Variants in RBFOX1 observed in about 807,000 individuals in gnomAD.
RBFOX1 encodes the protein RNA binding fox-1 homolog 1.
Under a neutral mutation model 57.7 loss-of-function variants are expected in RBFOX1, and 8 were observed. The ratio of observed to expected loss-of-function variants is 0.14; its 90% CI spans 0.08 to 0.25. RBFOX1 has a LOEUF of 0.25. Ranked by LOEUF, RBFOX1 falls within the 10% of genes least tolerant of loss-of-function variation. The pLI is 1.00. For synonymous variants in RBFOX1, 326 were observed against 222.4 expected (o/e 1.47, Z -4.15); for missense variants, 611 against 548.5 (o/e 1.11, Z -1.14).
intron 2 of RBFOX1, among the ~76,000 whole-genome samples, chr16:6,404,726 T>C (rs1401322442): frequency 6.6e-6 from 1 of 152,112 alleles, no homozygotes; most frequent in Non-Finnish European, 1.5e-5. Context: ...CCCAGATTCT[T>C]TCCTGAGCTG....
chr16:6,170,639 TA>T (rs2096953341), intron 1 of RBFOX1, among the ~76,000 whole-genome samples: 1 of 152,224 alleles, frequency 6.6e-6, no homozygotes, highest in Admixed American at 6.5e-5. Flanking sequence ...GCAGTTTTTT[TA>T]TTTAGGTAAA....
chr16:7,387,515 A>C (rs17671857), intron 4 of RBFOX1, among the ~76,000 whole-genome samples: 8 of 152,138 alleles, frequency 5.3e-5, no homozygotes, highest in Admixed American at 4.6e-4. Context: ...TTTCTTATCA[A>C]AATTGCACAT....
chr16:5,520,964 T>C (rs1009000364), intron 2 of RBFOX1, among the ~76,000 whole-genome samples: 2 of 152,274 alleles, frequency 1.3e-5, no homozygotes, highest in African/African-American at 4.8e-5. Context: ...CTGCAGCCTG[T>C]GTGTGTCCTT....
chr16:6,122,802 A>ATGTGTG (rs4038155), intron 1 of RBFOX1, among the ~76,000 whole-genome samples: 42,589 of 147,622 alleles, frequency 0.29, 7,105 homozygotes, highest in Non-Finnish European at 0.39. Context: ...ATGTGTGTGT[A>ATGTGTG]TGTGTGTGTG....
At chr16:6,695,174 C>G (rs1032379847) in intron 3 of RBFOX1, among the ~76,000 whole-genome samples, 2 of 151,994 alleles carry the variant, frequency 1.3e-5, no homozygotes, top group Non-Finnish European at 2.9e-5. Flanking sequence ...AATCCCAGCA[C>G]TTTGGGAGGC....
intron 1 of RBFOX1, among the ~76,000 whole-genome samples, chr16:5,359,986 T>A (rs898647708): frequency 4.6e-5 from 7 of 152,242 alleles, no homozygotes; most frequent in African/African-American, 1.7e-4. Context: ...GCGAAAACAA[T>A]CCAAAACATA....
chr16:7,368,846 G>T (rs1311294658), intron 4 of RBFOX1, among the ~76,000 whole-genome samples: 3 of 152,046 alleles, frequency 2.0e-5, no homozygotes, highest in Non-Finnish European at 4.4e-5. Context: ...AATTAATGGT[G>T]AGAAAAGCAA....
chr16:5,930,069 G>A (rs1418636567), intron 4 of RBFOX1, among the ~76,000 whole-genome samples: 1 of 151,800 alleles, frequency 6.6e-6, no homozygotes, highest in Non-Finnish European at 1.5e-5. Context: ...TGGAGAATGG[G>A]GGCTGGGAGG....
chr16:7,387,236 A>G (rs894567305), intron 4 of RBFOX1, among the ~76,000 whole-genome samples: 13 of 152,218 alleles, frequency 8.5e-5, no homozygotes, highest in African/African-American at 3.1e-4. Flanking sequence ...AGTACCTACC[A>G]TGCATTATCT....
chr16:6,732,059 A>T (rs78334454), intron 3 of RBFOX1, among the ~76,000 whole-genome samples: 1 of 152,198 alleles, frequency 6.6e-6, no homozygotes, highest in South Asian at 2.1e-4. Context: ...CTATGGCTTG[A>T]GATCTATCCC....
At chr16:6,138,835 C>A (rs2096688989) in intron 1 of RBFOX1, among the ~76,000 whole-genome samples, 1 of 152,140 alleles carries the variant, frequency 6.6e-6, no homozygotes, top group Non-Finnish European at 1.5e-5. Flanking sequence ...CCGCTGCACT[C>A]CAGCCTGGGC....
chr16:6,289,173 G>A (rs578026454), intron 1 of RBFOX1, among the ~76,000 whole-genome samples: 33 of 152,282 alleles, frequency 2.2e-4, no homozygotes, highest in East Asian at 7.7e-4. Flanking sequence ...AAATCACACC[G>A]TGGAACAGTC....
chr16:5,984,976 A>ATATATATATATTT (rs1359064334), intron 4 of RBFOX1, among the ~76,000 whole-genome samples: 1 of 55,714 alleles, frequency 1.8e-5, no homozygotes, highest in African/African-American at 8.7e-5. Flanking sequence ...ATATATATAT[A>ATATATATATATTT]TTTTTTTTTT....
intron 2 of RBFOX1, among the ~76,000 whole-genome samples, chr16:6,416,265 A>G (rs1345814210): frequency 1.3e-5 from 2 of 152,196 alleles, no homozygotes; most frequent in African/African-American, 4.8e-5. Flanking sequence ...ACATCAAAAC[A>G]CAACACTGAC....
chr16:7,351,741 C>A (rs1009863205), intron 4 of RBFOX1, among the ~76,000 whole-genome samples: 5 of 152,168 alleles, frequency 3.3e-5, no homozygotes, highest in Non-Finnish European at 1.5e-5. Flanking sequence ...CCACAGGGAG[C>A]AGCTGACTTA....
intron 3 of RBFOX1, among the ~76,000 whole-genome samples, chr16:5,701,898 G>A (rs1234404182): frequency 6.6e-6 from 1 of 152,192 alleles, no homozygotes; most frequent in Non-Finnish European, 1.5e-5. Flanking sequence ...ATTTCTAGTA[G>A]AGGTTTTGCT....
At chr16:6,002,424 C>G (rs891423622) in intron 4 of RBFOX1, among the ~76,000 whole-genome samples, 19 of 152,196 alleles carry the variant, frequency 1.2e-4, no homozygotes, top group African/African-American at 4.6e-4. Context: ...TACTAGTTAA[C>G]AAGACTCACT....
chr16:6,703,515 A>G (rs1242713497), intron 3 of RBFOX1, among the ~76,000 whole-genome samples: 1 of 147,906 alleles, frequency 6.8e-6, no homozygotes, highest in Non-Finnish European at 1.5e-5. Flanking sequence ...AGTTCAAGGC[A>G]GCCTAGGCAA....
At chr16:5,633,756 C>A (rs112546708) in intron 3 of RBFOX1, among the ~76,000 whole-genome samples, 44 of 151,814 alleles carry the variant, frequency 2.9e-4, no homozygotes, top group Non-Finnish European at 5.3e-4. Flanking sequence ...TGCCTGTAAT[C>A]GCAGCTGCTC....
Sources: gnomAD v4.1 joint callset for allele counts (sites outside exome capture counted in the v4.1 genomes callset) on GRCh38, gnomAD v4.1.1 for gene constraint, MANE v1.5 for transcripts, NCBI Gene and HGNC (gene_info 2026-07-23, HGNC 2026-07-21) for gene names.